KIF27: variants seen among roughly 807,000 people sequenced by gnomAD.
KIF27 encodes the protein kinesin family member 27.
In KIF27, 84 loss-of-function variants were observed where a neutral mutation model predicts 141.8. The ratio of observed to expected loss-of-function variants is 0.59; its 90% CI spans 0.50 to 0.71. The LOEUF (loss-of-function observed/expected upper bound fraction) is 0.71. KIF27 is among the 30% of genes least tolerant of loss of function. The pLI, the probability that KIF27 is intolerant of heterozygous loss-of-function variation, is 0.00. For missense variants in KIF27, 1,306 were observed against 1,628.4 expected (o/e 0.80, Z 3.41); for synonymous variants, 471 against 569.5 (o/e 0.83, Z 2.46).
At chr9:83,908,812 T>C (rs551601852) in intron 2 of KIF27, among the ~76,000 whole-genome samples, 160 bp from the exon 3 acceptor site, 1 of 151,604 alleles carries the variant, frequency 6.6e-6, no homozygotes, top group African/African-American at 2.4e-5. Flanking sequence ...CAGGCTGGAG[T>C]GCAGTGGTGC....
At chr9:83,848,570 C>G (rs1305022343) in intron 16 of KIF27, 1 of 143,976 alleles carries the variant, frequency 6.9e-6, no homozygotes, top group African/African-American at 2.5e-5. Flanking sequence ...ATATATAGAT[C>G]TATATATATC....
chr9:83,914,656 A>G (rs2780095), intron 2 of KIF27, among the ~76,000 whole-genome samples: 1 of 152,152 alleles, frequency 6.6e-6, no homozygotes, highest in African/African-American at 2.4e-5. Flanking sequence ...GCACTACTCA[A>G]AAGTTTGTTT....
chr9:83,903,320 G>C lies in KIF27; in HGVS notation c.1198C>G (p.Gln400Glu). 3 of 1,614,168 alleles carry C rather than the reference G, an allele frequency of 1.9e-6. No individual in the cohort carries two copies. Among genetic ancestry groups the C allele is most frequent in the Non-Finnish European group, 2.5e-6 (3 of 1,180,016 alleles). Residue 400 changes from glutamine to glutamate, a missense_variant, in exon 4 of 18, where the codon CAA becomes GAA. This residue lies in a region of KIF27 where 533 missense variants were observed against 565.6 expected (regional missense o/e 0.94). Transcript: ENST00000297814. ...CATTCTCCTTGAAGCTGAGCTACTT[G>C]CTCCTCAAGAGAATGAATCCTATTT... ...DTNRIHSLEE[Q>E]VAQLQGECLG...
chr9:83,895,641 T>TAGA (rs559143514), intron 5 of KIF27, among the ~76,000 whole-genome samples: 25,068 of 145,390 alleles, frequency 0.17, 1,845 homozygotes, highest in African/African-American at 0.31. Context: ...ATAGAAGATA[T>TAGA]AGAAGAAAAA....
chr9:83,857,854 A>G (rs919766837), intron 14 of KIF27, among the ~76,000 whole-genome samples: 1 of 152,162 alleles, frequency 6.6e-6, no homozygotes, highest in Non-Finnish European at 1.5e-5. Context: ...TAGCTGTAAT[A>G]CATTATCCAC....
rs1955271585 is a variant in KIF27, at chr9:83,912,517, A to C, written c.298+2777T>G. The stretch of plus-strand genomic sequence containing the variant: ...TATAGATAAGCAATCTTGATTATCC[A>C]GAATAAATAATTGACCAGAAATAGT... On this transcript the variant is annotated intron_variant, in intron 2 of 17. Coordinates refer to ENST00000297814, the MANE Select transcript of KIF27 (RefSeq NM_017576.4). Among the ~76,000 whole-genome samples the C allele has an allele frequency of 3.3e-5, 5 of 152,364 alleles. No individual in the cohort carries two copies. The South Asian group carries it at 1.0e-3, about 32-fold the overall frequency.
At position 83,903,635 on chromosome 9, in the gene KIF27, C is replaced by G; in HGVS notation, c.883G>C (p.Asp295His). 2.5e-6 allele frequency: 4 copies of G among 1,614,124 alleles called. No homozygotes were observed. The highest frequency in any genetic ancestry group is 3.4e-6 in the Non-Finnish European group (4 of 1,180,018). Reference sequence around the variant, plus strand: ...TTCAGAAGCCGGGTAATTTTAGCATCCCTATATGGAATATGTGAACTCTTC... The same window carrying G: ...TTCAGAAGCCGGGTAATTTTAGCATGCCTATATGGAATATGTGAACTCTTC... ...RRKSSHIPYR[D>H]AKITRLLKDS... Residue 295 changes from aspartate to histidine, a missense_variant, in exon 4 of 18, where the codon GAT (aspartate) becomes CAT (histidine). Asp to His is a moderately conservative substitution (Grantham distance 81). This residue lies in a region of KIF27 where 533 missense variants were observed against 565.6 expected (regional missense o/e 0.94). Coordinates refer to ENST00000297814, the MANE Select transcript of KIF27 (RefSeq NM_017576.4).
intron 16 of KIF27, among the ~76,000 whole-genome samples, chr9:83,847,298 T>A (rs1947412194): frequency 6.6e-6 from 1 of 152,238 alleles, no homozygotes; most frequent in Non-Finnish European, 1.5e-5. Context: ...TTTGTGCACA[T>A]ATACACTTGT....
intron 16 of KIF27, among the ~76,000 whole-genome samples, chr9:83,844,309 G>T (rs906759003): frequency 1.1e-4 from 8 of 73,786 alleles, no homozygotes; most frequent in African/African-American, 7.3e-4. Flanking sequence ...TATATAGAGA[G>T]AGATATAGAT....
At chr9:83,910,857 A>G (rs972782385) in intron 2 of KIF27, among the ~76,000 whole-genome samples, 19 of 152,156 alleles carry the variant, frequency 1.2e-4, no homozygotes, top group Non-Finnish European at 2.1e-4. Context: ...ATACTTCTAC[A>G]TCGGTGTTCA....
chr9:83,891,279 A>G lies in KIF27; in HGVS notation c.1809+16T>C, dbSNP rs779227792. 11 of 1,603,198 alleles carry G rather than the reference A, an allele frequency of 6.9e-6. No individual in the cohort carries two copies. The South Asian group carries it at 1.0e-4, about 15-fold the overall frequency. ...TTTTTAATCTCCAAATAAGGAAAAG[A>G]TTGTTTGGACTTTACCTTCCTGGAA... On this transcript the variant is annotated intron_variant, in intron 6 of 17. Transcript: ENST00000297814.
chr9:83,904,135 G>A (rs1303755608), intron 3 of KIF27, 117 bp from the exon 4 acceptor site: 2 of 647,226 alleles, frequency 3.1e-6, no homozygotes, highest in African/African-American at 1.8e-5. Flanking sequence ...AAAGTCAACA[G>A]CATTTCAGAT....
chr9:83,848,498 CTATA>C lies in KIF27; in HGVS notation c.3556+1597_3556+1600del, dbSNP rs905020665. ...TATATACATATAGATATGTATATATCTATATATAGCTATATATGCATATATACAT... is the reference window on the plus strand; with the variant it reads ...TATATACATATAGATATGTATATATCTATAGCTATATATGCATATATACAT... On this transcript the variant is annotated intron_variant, in intron 16 of 17. Transcript: ENST00000297814. The C allele has an allele frequency of 2.4e-3, 337 of 140,246 alleles. 3 individuals carry two copies. Among genetic ancestry groups the C allele is most frequent in the African/African-American group, 8.1e-3 (309 of 38,064 alleles). 8.7% of individuals were successfully genotyped at this position (140,246 alleles called of 1,614,324 possible). A position where few individuals can be genotyped will look rare whatever the true frequency, so the allele number is the denominator to read the frequency against.
At chr9:83,891,755 A>G (rs1952706208) in intron 5 of KIF27, among the ~76,000 whole-genome samples, 1 of 152,232 alleles carries the variant, frequency 6.6e-6, no homozygotes, top group Non-Finnish European at 1.5e-5. Flanking sequence ...ATAACACGCC[A>G]TCCACTGTGA....
At chr9:83,862,728 T>G (rs1950043083) in intron 13 of KIF27, among the ~76,000 whole-genome samples, 1 of 152,174 alleles carries the variant, frequency 6.6e-6, no homozygotes, top group African/African-American at 2.4e-5. Context: ...ATTGGTAGCT[T>G]GATGGGGATG....
At chr9:83,890,976 T>C (rs1253411443) in intron 6 of KIF27, among the ~76,000 whole-genome samples, 1 of 152,190 alleles carries the variant, frequency 6.6e-6, no homozygotes, top group Admixed American at 6.5e-5. Context: ...ATCTCAACTT[T>C]GTGTGGTTAA....
chr9:83,839,248 G>C (rs1226226439), intron 17 of KIF27, among the ~76,000 whole-genome samples: 1 of 152,164 alleles, frequency 6.6e-6, no homozygotes, highest in Non-Finnish European at 1.5e-5. Flanking sequence ...TAAGGAAAGA[G>C]TCTCATTGTT....
intron 11 of KIF27, among the ~76,000 whole-genome samples, chr9:83,874,953 A>AAAAT (rs1951091907): frequency 6.7e-6 from 1 of 148,532 alleles, no homozygotes; most frequent in African/African-American, 2.5e-5. Context: ...AAAAAAAAAA[A>AAAAT]GTGCACTAGA....
Position 83,836,793 on chromosome 9 carries a change from T to A in KIF27, c.*208A>T. 1.5e-6 allele frequency: 1 copy of A among 651,984 alleles called. No homozygotes were observed. Among genetic ancestry groups the A allele is most frequent in the East Asian group, 3.2e-5 (1 of 30,898 alleles). 40.4% of individuals were successfully genotyped at this position (651,984 alleles called of 1,614,324 possible). A position where few individuals can be genotyped will look rare whatever the true frequency, so the allele number is the denominator to read the frequency against. Reference sequence around the variant, plus strand: ...AAATGTTATCAAGTATTGGAAAACATGTTTGATTACTATGGGAATATAAAC... The same window carrying A: ...AAATGTTATCAAGTATTGGAAAACAAGTTTGATTACTATGGGAATATAAAC... On this transcript the variant is annotated 3_prime_UTR_variant, in exon 18 of 18. Transcript: ENST00000297814.
Sources: gnomAD v4.1 joint callset for allele counts (sites outside exome capture counted in the v4.1 genomes callset) on GRCh38, gnomAD v4.1.1 for gene constraint, gnomAD v4.1.1 regional missense constraint, MANE v1.5 for transcripts, NCBI Gene and HGNC (gene_info 2026-07-23, HGNC 2026-07-21) for gene names.